MARCHF1: variants seen among roughly 807,000 people sequenced by gnomAD.
MARCHF1 encodes membrane associated ring-CH-type finger 1.
MARCHF1 carries 40 observed loss-of-function variants against 54.2 expected under a neutral mutation model. That is an observed-to-expected ratio of 0.74 (90% CI 0.57 to 0.96). MARCHF1 has a LOEUF of 0.96. Ranked by LOEUF, MARCHF1 falls within the 40% of genes least tolerant of loss-of-function variation. MARCHF1 has a pLI of 0.00. For synonymous variants in MARCHF1, 236 were observed against 236.3 expected (o/e 1.00, Z 0.01); for missense variants, 586 against 656.5 (o/e 0.89, Z 1.17).
At chr4:163,925,144 A>G (rs1751510883) in intron 3 of MARCHF1, among the ~76,000 whole-genome samples, 1 of 151,884 alleles carries the variant, frequency 6.6e-6, no homozygotes, top group African/African-American at 2.4e-5. Context: ...AAACGCTGGC[A>G]TTTTTGAAAT....
At chr4:163,691,202 AG>A in intron 5 of MARCHF1, among the ~76,000 whole-genome samples, 2 of 152,312 alleles carry the variant, frequency 1.3e-5, no homozygotes, top group Middle Eastern at 6.8e-3. Context: ...TCTGGCTGGT[AG>A]GCTATGTGCT....
Position 163,918,708 on chromosome 4 carries a change from A to G in MARCHF1, c.-38-64539T>C, listed in dbSNP as rs77072050. ...TACCTGAAGTCATTTATTTTTATAT[A>G]GTTGTTTACTGATTTGTTGCGTGTT... On this transcript the variant is annotated intron_variant, in intron 3 of 9. Coordinates refer to ENST00000514618, the MANE Select transcript of MARCHF1 (RefSeq NM_001394959.1). Among the ~76,000 whole-genome samples, 511 of 152,206 alleles carry G rather than the reference A, an allele frequency of 3.4e-3. 5 individuals are homozygous for G. Among genetic ancestry groups the G allele is most frequent in the African/African-American group, 0.011 (473 of 41,538 alleles).
intron 3 of MARCHF1, among the ~76,000 whole-genome samples, chr4:163,950,990 A>T (rs1752124112): frequency 6.6e-6 from 1 of 152,230 alleles, no homozygotes; most frequent in South Asian, 2.1e-4. Flanking sequence ...GAAATGTCAT[A>T]GTATCAGAGA....
chr4:164,312,044 T>C (rs1290026647), intron 1 of MARCHF1, among the ~76,000 whole-genome samples: 2 of 152,184 alleles, frequency 1.3e-5, no homozygotes, highest in Non-Finnish European at 2.9e-5. Flanking sequence ...AAAAAGTCCA[T>C]TTTTATATGT....
chr4:163,735,949 A>G (rs894560042), intron 4 of MARCHF1, among the ~76,000 whole-genome samples: 5 of 152,188 alleles, frequency 3.3e-5, no homozygotes, highest in African/African-American at 1.2e-4. Flanking sequence ...TATATACACC[A>G]TGTTTTCTCC....
At chr4:163,629,160 T>C (rs1197169137) in intron 5 of MARCHF1, among the ~76,000 whole-genome samples, 1 of 152,130 alleles carries the variant, frequency 6.6e-6, no homozygotes, top group Non-Finnish European at 1.5e-5. Context: ...CAAACTATAC[T>C]GCAAGGCTAC....
chr4:164,043,624 A>G (rs1754178580), intron 2 of MARCHF1, among the ~76,000 whole-genome samples: 1 of 152,188 alleles, frequency 6.6e-6, no homozygotes. Flanking sequence ...CTTGGCTATT[A>G]TCATGTGGGT....
chr4:164,286,737 A>C (rs1734160521), intron 1 of MARCHF1, among the ~76,000 whole-genome samples: 1 of 149,396 alleles, frequency 6.7e-6, no homozygotes, highest in Admixed American at 6.7e-5. Context: ...TTATATAATA[A>C]ATCTATAAGC....
intron 1 of MARCHF1, among the ~76,000 whole-genome samples, chr4:164,142,700 G>A (rs1756579520): frequency 6.6e-6 from 1 of 152,120 alleles, no homozygotes; most frequent in African/African-American, 2.4e-5. Context: ...ACCAAAAGTA[G>A]ATAAAACCAC....
rs184887856 is a variant in MARCHF1, at chr4:163,630,389, T to C, written c.163-16996A>G. 4.3e-3 allele frequency among the ~76,000 whole-genome samples: 657 copies of C among 152,274 alleles called. 2 individuals are homozygous for C. The highest frequency in any genetic ancestry group is 0.014 in the African/African-American group (595 of 41,564). ...GAAATTCAAACAATCCAGAGTGACA[T>C]GAAGCAGATTAGCGGTTGCTGAGGA... is the stretch of plus-strand genomic sequence containing the variant. On this transcript the variant is annotated intron_variant, in intron 5 of 9. Coordinates refer to ENST00000514618, the MANE Select transcript of MARCHF1 (RefSeq NM_001394959.1).
intron 1 of MARCHF1, among the ~76,000 whole-genome samples, chr4:164,180,383 CAAG>C (rs1400250755): frequency 2.6e-5 from 4 of 152,078 alleles, no homozygotes; most frequent in East Asian, 1.9e-4. Flanking sequence ...ACTAACCTTT[CAAG>C]AAGGTCAATT....
intron 8 of MARCHF1, among the ~76,000 whole-genome samples, chr4:163,552,422 A>G (rs552022943): frequency 2.0e-5 from 3 of 152,320 alleles, no homozygotes; most frequent in Non-Finnish European, 4.4e-5. Flanking sequence ...GTTTGGGTAA[A>G]GATACCACTG....
Position 163,948,679 on chromosome 4 carries a change from G to T in MARCHF1, c.-39+39822C>A, listed in dbSNP as rs1579414739. ...GAAGCCATTCTAAATGAAGCAACAG[G>T]AGTAAAGACAAGAAGAAAACCTAAG... On this transcript the variant is annotated intron_variant, in intron 3 of 9. Coordinates refer to ENST00000514618, the MANE Select transcript of MARCHF1 (RefSeq NM_001394959.1). Among the ~76,000 whole-genome samples the T allele has an allele frequency of 2.1e-5, 3 of 146,114 alleles. No homozygotes were observed. The South Asian group carries it at 7.0e-4, about 34-fold the overall frequency.
In MARCHF1 at chr4:163,612,999, C is replaced by T. The variant is rs1741397612; in HGVS notation, c.282G>A (p.Glu94=). The T allele has an allele frequency of 6.6e-7, 1 of 1,521,190 alleles. No individual in the cohort carries two copies. The highest frequency in any genetic ancestry group is 8.8e-7 in the Non-Finnish European group (1 of 1,142,032). 94.2% of individuals were successfully genotyped at this position (1,521,190 alleles called of 1,614,324 possible). A position where few individuals can be genotyped will look rare whatever the true frequency, so the allele number is the denominator to read the frequency against. The change falls in exon 7 of 10, where the codon GAG becomes GAA. Residue 94 remains glutamate (E), a synonymous_variant. Coordinates refer to ENST00000514618, the MANE Select transcript of MARCHF1 (RefSeq NM_001394959.1). The stretch of plus-strand genomic sequence containing the variant: ...TCAGCACCATGACAGGGGTGCAATA[C>T]TCAAATGACTCTTCTGACATGTCAT... The part of the protein sequence containing the change: ...ILHDMSEESF[E]YCTPVMVLSP...
At chr4:164,175,144 A>G (rs1730629855) in intron 1 of MARCHF1, among the ~76,000 whole-genome samples, 1 of 152,220 alleles carries the variant, frequency 6.6e-6, no homozygotes, top group Non-Finnish European at 1.5e-5. Context: ...TAAAGATAAT[A>G]TATGTCTAGA....
chr4:163,941,096 C>T (rs11946037), intron 3 of MARCHF1, among the ~76,000 whole-genome samples: 128,519 of 152,036 alleles, frequency 0.85, 54,703 homozygotes, highest in East Asian at 0.93. Flanking sequence ...ATGCTTGAAT[C>T]CTACTCTGCT....
chr4:164,197,075 C>T lies in MARCHF1; in HGVS notation c.-322-85413G>A, dbSNP rs750223153. ...TCATCTTCCTCGCCATCTACCTCTC[C>T]ATCGTTATAACCTTCTTCATCCTCC... On this transcript the variant is annotated intron_variant, in intron 1 of 9. Coordinates refer to ENST00000514618, the MANE Select transcript of MARCHF1 (RefSeq NM_001394959.1). 14 of 1,606,454 alleles carry T rather than the reference C, an allele frequency of 8.7e-6. No homozygotes were observed. The Admixed American group carries it at 1.3e-4, about 15-fold the overall frequency.
At chr4:164,342,872 G>A (rs1029157801) in intron 1 of MARCHF1, among the ~76,000 whole-genome samples, 8 of 152,086 alleles carry the variant, frequency 5.3e-5, no homozygotes, top group African/African-American at 1.4e-4. Flanking sequence ...ATTATGCTAA[G>A]TGAAATAAGC....
chr4:164,273,752 C>T (rs1202212647), intron 1 of MARCHF1, among the ~76,000 whole-genome samples: 1 of 152,130 alleles, frequency 6.6e-6, no homozygotes, highest in Non-Finnish European at 1.5e-5. Flanking sequence ...GTGTGTTTCA[C>T]TAGTTAGAGC....
Sources: gnomAD v4.1 joint callset for allele counts (sites outside exome capture counted in the v4.1 genomes callset) on GRCh38, gnomAD v4.1.1 for gene constraint, MANE v1.5 for transcripts, NCBI Gene and HGNC (gene_info 2026-07-23, HGNC 2026-07-21) for gene names.